Variants in GRM7 observed in about 807,000 individuals in gnomAD.
The protein encoded by GRM7 is metabotropic glutamate receptor 7.
Under a neutral mutation model 84.5 loss-of-function variants are expected in GRM7, and 35 were observed. That is an observed-to-expected ratio of 0.41 (90% CI 0.32 to 0.55). The LOEUF (loss-of-function observed/expected upper bound fraction) is 0.55. GRM7 is among the 20% of genes least tolerant of loss of function. GRM7 has a pLI of 0.19. For missense variants in GRM7, 1,003 were observed against 1,194.6 expected (o/e 0.84, Z 2.36); for synonymous variants, 487 against 455.1 (o/e 1.07, Z -0.89).
chr3:7,561,692 C>T (rs371780649), intron 7 of GRM7: 1 of 360,850 alleles, frequency 2.8e-6, no homozygotes. Context: ...CTGAAGTTGA[C>T]CTAACTTCTC....
At chr3:7,117,024 A>C (rs961747195) in intron 1 of GRM7, among the ~76,000 whole-genome samples, 7 of 152,160 alleles carry the variant, frequency 4.6e-5, no homozygotes, top group Non-Finnish European at 7.4e-5. Flanking sequence ...AAAGTGTATG[A>C]AAGTATTAGG....
chr3:6,989,001 A>G (rs2124850822), intron 1 of GRM7, among the ~76,000 whole-genome samples: 1 of 152,348 alleles, frequency 6.6e-6, no homozygotes, highest in Admixed American at 6.5e-5. Context: ...TGCTTGGTCA[A>G]ACAAAATCAG....
intron 4 of GRM7, among the ~76,000 whole-genome samples, chr3:7,352,056 A>AT (rs1559258785): frequency 4.3e-5 from 2 of 46,970 alleles, no homozygotes; most frequent in Non-Finnish European, 3.9e-5. Context: ...ACACACACAC[A>AT]CCACACACAC....
intron 4 of GRM7, among the ~76,000 whole-genome samples, chr3:7,327,937 A>G (rs1033006): frequency 0.43 from 64,803 of 152,074 alleles, 13,900 homozygotes; most frequent in Middle Eastern, 0.49. Flanking sequence ...TTATGAAAAT[A>G]TAAGTGATAT....
At chr3:7,485,267 A>G (rs188983562) in intron 7 of GRM7, among the ~76,000 whole-genome samples, 39 of 152,346 alleles carry the variant, frequency 2.6e-4, no homozygotes, top group African/African-American at 9.4e-4. Flanking sequence ...ACAGCAGTCA[A>G]TAACTAATAT....
chr3:7,707,654 C>A (rs376286485), intron 9 of GRM7, among the ~76,000 whole-genome samples: 1 of 152,232 alleles, frequency 6.6e-6, no homozygotes, highest in African/African-American at 2.4e-5. Context: ...GATGGTGGAG[C>A]CTTTAGGATC....
At chr3:7,095,706 G>C (rs182216962) in intron 1 of GRM7, among the ~76,000 whole-genome samples, 3 of 152,112 alleles carry the variant, frequency 2.0e-5, no homozygotes, top group Non-Finnish European at 4.4e-5. Flanking sequence ...GCATCATAGA[G>C]AGTGGGATCA....
At chr3:7,088,613 C>T (rs984370075) in intron 1 of GRM7, among the ~76,000 whole-genome samples, 15 of 147,550 alleles carry the variant, frequency 1.0e-4, no homozygotes, top group African/African-American at 3.6e-4. Context: ...AAACATGGAT[C>T]GTTGAATGAA....
At chr3:7,717,418 T>C (rs1701803285) in intron 9 of GRM7, among the ~76,000 whole-genome samples, 1 of 152,140 alleles carries the variant, frequency 6.6e-6, no homozygotes, top group Non-Finnish European at 1.5e-5. Context: ...TAGAAAATGC[T>C]GGTATATATT....
At chr3:7,173,526 C>T (rs1695051807) in intron 2 of GRM7, among the ~76,000 whole-genome samples, 1 of 152,202 alleles carries the variant, frequency 6.6e-6, no homozygotes, top group African/African-American at 2.4e-5. Flanking sequence ...TTTCTGCAAG[C>T]TTCTAAGTAA....
intron 1 of GRM7, among the ~76,000 whole-genome samples, chr3:7,098,795 A>C (rs933513378): frequency 2.0e-5 from 3 of 151,960 alleles, no homozygotes; most frequent in Non-Finnish European, 2.9e-5. Flanking sequence ...GTTCTGGTTC[A>C]TTAGAATGTC....
chr3:7,149,938 T>G (rs1346849618), intron 2 of GRM7, among the ~76,000 whole-genome samples: 1 of 152,178 alleles, frequency 6.6e-6, no homozygotes, highest in African/African-American at 2.4e-5. Flanking sequence ...GAGTTGTAAC[T>G]AGAGGGTTAT....
At chr3:7,060,310 A>T (rs1046061583) in intron 1 of GRM7, among the ~76,000 whole-genome samples, 1 of 151,862 alleles carries the variant, frequency 6.6e-6, no homozygotes, top group Admixed American at 6.6e-5. Context: ...GCTTTCTAAC[A>T]GGATCTTGAA....
chr3:7,736,610 G>A (rs76986128), intron 9 of GRM7, among the ~76,000 whole-genome samples: 6 of 152,138 alleles, frequency 3.9e-5, no homozygotes, highest in African/African-American at 1.4e-4. Context: ...CACTGTAGTA[G>A]CAAGAGCACA....
rs551384139 is a variant in GRM7 at position 6,980,009 on chromosome 3, T to A, written c.519+118102T>A. Among the ~76,000 whole-genome samples, 4 of 152,228 alleles carry A rather than the reference T, an allele frequency of 2.6e-5. No homozygotes were observed. The East Asian group carries it at 7.7e-4, about 29-fold the overall frequency. ...TAATTCTTGTTGAAAAATCCCCAAA[T>A]CTCAACTGGAATTTTTTTTGTTTAC... On this transcript the variant is annotated intron_variant, in intron 1 of 9. Transcript: ENST00000357716.
At chr3:7,068,022 A>G (rs2124979759) in intron 1 of GRM7, among the ~76,000 whole-genome samples, 1 of 152,174 alleles carries the variant, frequency 6.6e-6, no homozygotes, top group South Asian at 2.1e-4. Flanking sequence ...AGTTATTACA[A>G]TAAATGAGAA....
chr3:7,269,261 G>A (rs927003546), intron 2 of GRM7, among the ~76,000 whole-genome samples: 12 of 152,166 alleles, frequency 7.9e-5, no homozygotes, highest in African/African-American at 2.7e-4. Context: ...GTGAGCAGAC[G>A]AAATTTAAAC....
At chr3:7,236,907 C>G (rs890021453) in intron 2 of GRM7, among the ~76,000 whole-genome samples, 5 of 152,132 alleles carry the variant, frequency 3.3e-5, no homozygotes, top group African/African-American at 1.2e-4. Context: ...AGCAATAGCT[C>G]TCAGATATAG....
intron 7 of GRM7, among the ~76,000 whole-genome samples, chr3:7,481,211 T>A (rs1341859976): frequency 6.6e-6 from 1 of 152,116 alleles, no homozygotes; most frequent in Non-Finnish European, 1.5e-5. Context: ...CTCAAGTAGC[T>A]GGGACTACAG....
Sources: gnomAD v4.1 joint callset for allele counts (sites outside exome capture counted in the v4.1 genomes callset) on GRCh38, gnomAD v4.1.1 for gene constraint, MANE v1.5 for transcripts, NCBI Gene and HGNC (gene_info 2026-07-23, HGNC 2026-07-21) for gene names.